Variants in RNF19A observed in about 807,000 individuals in gnomAD.
RNF19A encodes E3 ubiquitin-protein ligase RNF19A.
Under a neutral mutation model 75.7 loss-of-function variants are expected in RNF19A, and 32 were observed. The ratio of observed to expected loss-of-function variants is 0.42; its 90% CI spans 0.32 to 0.57. RNF19A has a LOEUF of 0.57. Ranked by LOEUF, RNF19A falls within the 20% of genes least tolerant of loss-of-function variation. RNF19A has a pLI of 0.10. For missense variants in RNF19A, 782 were observed against 1,036.3 expected (o/e 0.75, Z 3.37); for synonymous variants, 335 against 345.2 (o/e 0.97, Z 0.33).
intron 2 of RNF19A, among the ~76,000 whole-genome samples, chr8:100,278,729 C>T (rs539753729): frequency 6.6e-6 from 1 of 151,980 alleles, no homozygotes; most frequent in South Asian, 2.1e-4. Flanking sequence ...TAGCACTACA[C>T]TAACTTTAAA....
Position 100,322,112 on chromosome 8 carries a change from GGAGA to G in RNF19A, c.-242-8744_-242-8741del, listed in dbSNP as rs1299734654. On this transcript the variant is annotated intron_variant, in intron 1 of 3. Coordinates refer to the RNF19A transcript ENST00000519527. The surrounding 1 kb of genome is among the most constrained non-coding windows in gnomAD (Gnocchi z 5.1). ...AAGTCACCCCTGCATTAGCCCCTAA[GGAGA>G]GAGTCAGCCTCTCCTTTGAAGCTTT... 2.0e-5 allele frequency among the ~76,000 whole-genome samples: 3 copies of G among 152,182 alleles called. No homozygotes were observed. The highest frequency in any genetic ancestry group is 2.9e-5 in the Non-Finnish European group (2 of 68,024).
rs1174915315 is a variant in RNF19A at position 100,317,709 on chromosome 8, AG to A, written c.-242-4338del. 1.3e-5 allele frequency among the ~76,000 whole-genome samples: 2 copies of A among 152,238 alleles called. No individual in the cohort carries two copies. The highest frequency in any genetic ancestry group is 2.9e-5 in the Non-Finnish European group (2 of 68,034). On this transcript the variant is annotated intron_variant, in intron 1 of 3. Coordinates refer to the RNF19A transcript ENST00000519527. The surrounding 1 kb of genome is among the most constrained non-coding windows in gnomAD (Gnocchi z 4.3). ...TGGTTAGACAAACTCCATGTTTGAC[AG>A]GATGAGGTTGGCTCACGAGGTCTAG...
At position 100,324,776 on chromosome 8, in the gene RNF19A, T is replaced by C. The variant is rs1822506568; in HGVS notation, c.-243+11332A>G. On this transcript the variant is annotated intron_variant, in intron 1 of 3. Transcript: ENST00000519527. The surrounding 1 kb of genome is among the most constrained non-coding windows in gnomAD (Gnocchi z 4.2). ...ATGATAGGAAAATTGATTAAAGGCA[T>C]TGATCTATCTTTTTTCTTTCTTTCT... Among the ~76,000 whole-genome samples, 1 of 152,126 alleles carries C rather than the reference T, an allele frequency of 6.6e-6. No individual in the cohort carries two copies. The highest frequency in any genetic ancestry group is 2.1e-4 in the South Asian group (1 of 4,820).
At chr8:100,309,710 T>C (rs907063302) in intron 1 of RNF19A, among the ~76,000 whole-genome samples, 157 bp downstream of exon 1, 2 of 152,168 alleles carry the variant, frequency 1.3e-5, no homozygotes, top group African/African-American at 4.8e-5. Flanking sequence ...CGCTGGACAC[T>C]GGAGGAGACG....
intron 7 of RNF19A, among the ~76,000 whole-genome samples, chr8:100,263,550 G>C (rs923563382): frequency 2.6e-5 from 4 of 152,160 alleles, no homozygotes; most frequent in African/African-American, 9.7e-5. Flanking sequence ...AACAAGAATT[G>C]CTAGAATATA....
At chr8:100,310,349 G>A (rs1459294658), upstream of RNF19A, 2 of 675,176 alleles carry the variant, frequency 3.0e-6, no homozygotes, top group Non-Finnish European at 1.8e-6. Context: ...TGGCGGAGGG[G>A]ACTTCGCCTC....
At chr8:100,310,240 T>G (rs1040697371), upstream of RNF19A, 1 of 985,118 alleles carries the variant, frequency 1.0e-6, no homozygotes, top group Non-Finnish European at 1.2e-6. Flanking sequence ...CGGGCGGCTC[T>G]GGACGCGGCT....
chr8:100,270,081 C>T, intron 3 of RNF19A, 68 bp from the exon 4 acceptor site: 3 of 1,305,858 alleles, frequency 2.3e-6, no homozygotes, highest in Non-Finnish European at 3.0e-6. Context: ...TAGCAGTTTA[C>T]CAATTGTAGC....
In RNF19A at chr8:100,264,397, A is replaced by G; in HGVS notation, c.1307-202T>C. ...TCCCAGCCTTTCAGGTAATGCACAT[A>G]AGGGGAAAAAGAGAGAGATGCAAAC... is the stretch of plus-strand genomic sequence containing the variant. On this transcript the variant is annotated intron_variant, in intron 6 of 9. Coordinates refer to ENST00000341084, the MANE Select transcript of RNF19A (RefSeq NM_183419.4). The surrounding 1 kb of genome is among the most constrained non-coding windows in gnomAD (Gnocchi z 4.7). 1.7e-6 allele frequency: 1 copy of G among 588,096 alleles called. No homozygotes were observed. The highest frequency in any genetic ancestry group is 2.8e-5 in the East Asian group (1 of 35,600). 36.4% of individuals were successfully genotyped at this position (588,096 alleles called of 1,614,324 possible). A position where few individuals can be genotyped will look rare whatever the true frequency, so the allele number is the denominator to read the frequency against.
chr8:100,309,183 G>T, intron 1 of RNF19A: 1 of 382,244 alleles, frequency 2.6e-6, no homozygotes, highest in Non-Finnish European at 3.6e-6. Context: ...GGCTTAGCAC[G>T]GGGAGACAAT....
At chr8:100,271,256 G>C (rs2132540639) in intron 3 of RNF19A, among the ~76,000 whole-genome samples, 1 of 151,622 alleles carries the variant, frequency 6.6e-6, no homozygotes, top group East Asian at 1.9e-4. Context: ...TAAGCAGCCA[G>C]ACCAGGACAA....
chr8:100,335,527 T>A (rs567295098), intron 1 of RNF19A, among the ~76,000 whole-genome samples: 1 of 152,374 alleles, frequency 6.6e-6, no homozygotes, highest in East Asian at 1.9e-4. Context: ...ACATATTAAA[T>A]ACTTTTTACT....
rs943192657 is a variant in RNF19A, at chr8:100,258,409, A to G, written c.*147T>C. The G allele has an allele frequency of 4.8e-6, 3 of 630,180 alleles. No individual in the cohort carries two copies. Among genetic ancestry groups the G allele is most frequent in the African/African-American group, 1.8e-5 (1 of 54,304 alleles). 39.0% of individuals were successfully genotyped at this position (630,180 alleles called of 1,614,324 possible). A position where few individuals can be genotyped will look rare whatever the true frequency, so the allele number is the denominator to read the frequency against. ...GTAACTAAGATCCACATGACACACA[A>G]TGCCTTGCTGAACACAGAAAATGTA... On this transcript the variant is annotated 3_prime_UTR_variant, in exon 10 of 10. Coordinates refer to ENST00000341084, the MANE Select transcript of RNF19A (RefSeq NM_183419.4). This position sits in a 1 kb window ranked among gnomAD's most constrained non-coding sequence, Gnocchi z 4.3.
chr8:100,329,124 C>T lies in RNF19A; in HGVS notation c.-243+6984G>A, dbSNP rs1822577852. ...TAGGAGAGGGAGAGGGGTGGTGTAGCTTACAGACACCAAAGTGTTCGTTCA... is the reference window on the plus strand; with the variant it reads ...TAGGAGAGGGAGAGGGGTGGTGTAGTTTACAGACACCAAAGTGTTCGTTCA... On this transcript the variant is annotated intron_variant, in intron 1 of 3. Transcript: ENST00000519527. This position sits in a 1 kb window ranked among gnomAD's most constrained non-coding sequence, Gnocchi z 4.3. 1.3e-5 allele frequency among the ~76,000 whole-genome samples: 2 copies of T among 152,114 alleles called. No homozygotes were observed. Among genetic ancestry groups the T allele is most frequent in the Non-Finnish European group, 2.9e-5 (2 of 68,010 alleles).
At chr8:100,311,533 A>G (rs985378058), upstream of RNF19A, among the ~76,000 whole-genome samples, 2 of 152,098 alleles carry the variant, frequency 1.3e-5, no homozygotes, top group African/African-American at 2.4e-5. Flanking sequence ...CCTGGCTAAC[A>G]TAGTGAAACC....
chr8:100,328,717 C>T (rs2130393658), intron 1 of RNF19A, among the ~76,000 whole-genome samples: 1 of 152,246 alleles, frequency 6.6e-6, no homozygotes, highest in East Asian at 1.9e-4. Context: ...TGATTCACCC[C>T]CATCAGCCTC....
At chr8:100,318,711 C>T (rs1788173) in intron 1 of RNF19A, among the ~76,000 whole-genome samples, 70,082 of 151,976 alleles carry the variant, frequency 0.46, 17,096 homozygotes, top group African/African-American at 0.63. Flanking sequence ...CTGGAACACT[C>T]TTAGATATGA....
At chr8:100,313,359 AT>A, upstream of RNF19A, 1 of 979,644 alleles carries the variant, frequency 1.0e-6, no homozygotes, top group Non-Finnish European at 1.2e-6. Flanking sequence ...TTCTTCTGAC[AT>A]TTGAGCTGGA....
intron 1 of RNF19A, among the ~76,000 whole-genome samples, chr8:100,321,497 C>T (rs1055884068): frequency 2.6e-5 from 4 of 152,234 alleles, no homozygotes; most frequent in Non-Finnish European, 5.9e-5. Flanking sequence ...GGTTCCTCCC[C>T]TGAAGTCTTG....
Sources: gnomAD v4.1 joint callset for allele counts (sites outside exome capture counted in the v4.1 genomes callset) on GRCh38, gnomAD v4.1.1 for gene constraint, Gnocchi (gnomAD v3.1) non-coding constraint, MANE v1.5 for transcripts, NCBI Gene and HGNC (gene_info 2026-07-23, HGNC 2026-07-21) for gene names.